Variants in PDZRN4 observed in about 807,000 individuals in gnomAD.
The protein encoded by PDZRN4 is PDZ domain containing ring finger 4.
PDZRN4 carries 70 observed loss-of-function variants against 99.0 expected under a neutral mutation model. The observed-to-expected ratio is 0.71, with a 90% CI of 0.58 to 0.86. PDZRN4 has a LOEUF of 0.86. PDZRN4 is among the 40% of genes least tolerant of loss of function. PDZRN4 has a pLI of 0.00. For missense variants in PDZRN4, 1,474 were observed against 1,331.2 expected (o/e 1.11, Z -1.67); for synonymous variants, 551 against 501.6 (o/e 1.10, Z -1.32).
chr12:41,344,895 T>C (rs2121022675), intron 3 of PDZRN4, among the ~76,000 whole-genome samples: 1 of 152,158 alleles, frequency 6.6e-6, no homozygotes, highest in East Asian at 1.9e-4. Flanking sequence ...TACTGAAATG[T>C]AATCAGATGA....
chr12:41,256,171 T>A (rs374856817), intron 3 of PDZRN4, among the ~76,000 whole-genome samples: 8 of 152,320 alleles, frequency 5.3e-5, no homozygotes, highest in Non-Finnish European at 1.0e-4. Context: ...CCTAGTCATA[T>A]AAAAGTGATT....
chr12:41,535,233 T>C (rs1159991899), intron 5 of PDZRN4, among the ~76,000 whole-genome samples: 1 of 152,226 alleles, frequency 6.6e-6, no homozygotes, highest in East Asian at 1.9e-4. Context: ...ATCTCACTCA[T>C]GATGCGTTGT....
In PDZRN4 at chr12:41,248,312, G is replaced by A. The variant is rs202027045; in HGVS notation, c.843+54124G>A. On this transcript the variant is annotated intron_variant, in intron 3 of 9. Transcript: ENST00000402685. ...TGGGTTATCAAGGCTTTCTATAATG[G>A]AATCCAAAATTTTTTGGCTAAGAAA... Among the ~76,000 whole-genome samples the A allele has an allele frequency of 2.0e-5, 3 of 152,114 alleles. No individual in the cohort carries two copies. In the East Asian group the frequency reaches 5.8e-4, roughly 29 times the overall value.
intron 3 of PDZRN4, among the ~76,000 whole-genome samples, chr12:41,310,491 C>T (rs752443152): frequency 6.6e-6 from 1 of 151,896 alleles, no homozygotes; most frequent in Non-Finnish European, 1.5e-5. Context: ...TCCACACTTG[C>T]GAAGAGGATT....
intron 3 of PDZRN4, among the ~76,000 whole-genome samples, chr12:41,213,259 G>T (rs147282189): frequency 1.6e-3 from 247 of 152,148 alleles, no homozygotes; most frequent in African/African-American, 5.6e-3. Context: ...GAGGAATCCA[G>T]ATGGAAGTGG....
At chr12:41,201,299 C>G (rs553468863) in intron 3 of PDZRN4, among the ~76,000 whole-genome samples, 1 of 152,118 alleles carries the variant, frequency 6.6e-6, no homozygotes, top group South Asian at 2.1e-4. Flanking sequence ...TGACAAACTC[C>G]TTTGTATCCT....
chr12:41,380,782 A>C (rs1461737971), intron 3 of PDZRN4, among the ~76,000 whole-genome samples: 2 of 152,242 alleles, frequency 1.3e-5, no homozygotes, highest in East Asian at 3.9e-4. Context: ...TTACAGTATT[A>C]AAGAATTCTA....
At chr12:41,441,772 T>C (rs1175491851) in intron 3 of PDZRN4, among the ~76,000 whole-genome samples, 1 of 152,120 alleles carries the variant, frequency 6.6e-6, no homozygotes, top group Non-Finnish European at 1.5e-5. Context: ...CCCTTTCCCA[T>C]GTTCCTTAGC....
At chr12:41,472,877 T>C (rs1953006687) in intron 3 of PDZRN4, among the ~76,000 whole-genome samples, 1 of 152,252 alleles carries the variant, frequency 6.6e-6, no homozygotes, top group Admixed American at 6.5e-5. Context: ...TCCCTTGCTC[T>C]GGACCTTACT....
intron 3 of PDZRN4, among the ~76,000 whole-genome samples, chr12:41,403,269 G>GT (rs898008095): frequency 3.9e-5 from 6 of 152,012 alleles, no homozygotes; most frequent in African/African-American, 9.7e-5. Context: ...CGTTTGGCTG[G>GT]TTTTTTTGCC....
intron 3 of PDZRN4, among the ~76,000 whole-genome samples, chr12:41,341,405 A>G (rs1951815896): frequency 6.6e-6 from 1 of 151,952 alleles, no homozygotes; most frequent in African/African-American, 2.4e-5. Context: ...AAAAATAAGA[A>G]GTTAAATTGT....
chr12:41,336,952 T>C (rs1951779820), intron 3 of PDZRN4, among the ~76,000 whole-genome samples: 1 of 152,012 alleles, frequency 6.6e-6, no homozygotes, highest in Admixed American at 6.6e-5. Flanking sequence ...CAGGAGCAAT[T>C]TGGGGCAGTT....
intron 3 of PDZRN4, among the ~76,000 whole-genome samples, chr12:41,489,611 T>G (rs1937844696): frequency 1.3e-5 from 2 of 152,006 alleles, no homozygotes; most frequent in Admixed American, 6.6e-5. Flanking sequence ...TAAACAAAAT[T>G]TATTATTTTA....
At chr12:41,542,242 C>T (rs1157946314) in intron 5 of PDZRN4, among the ~76,000 whole-genome samples, 1 of 152,080 alleles carries the variant, frequency 6.6e-6, no homozygotes. Flanking sequence ...CAATCAAGAC[C>T]GCGGGGCCAG....
chr12:41,571,778 C>T (rs766132005), intron 9 of PDZRN4, among the ~76,000 whole-genome samples: 1 of 152,140 alleles, frequency 6.6e-6, no homozygotes, highest in African/African-American at 2.4e-5. Flanking sequence ...AACCTGAATC[C>T]TTTTGGAATT....
intron 3 of PDZRN4, among the ~76,000 whole-genome samples, chr12:41,380,591 T>C (rs934721744): frequency 6.7e-4 from 102 of 152,220 alleles, no homozygotes; most frequent in African/African-American, 2.3e-3. Context: ...AACTTAACTT[T>C]GATCATGTAG....
intron 3 of PDZRN4, among the ~76,000 whole-genome samples, chr12:41,214,557 A>G (rs1327726985): frequency 1.3e-5 from 2 of 151,836 alleles, no homozygotes; most frequent in African/African-American, 4.8e-5. Context: ...GTAAAAGATG[A>G]AAGAAAGGGT....
At chr12:41,319,499 A>G (rs1416389407) in intron 3 of PDZRN4, among the ~76,000 whole-genome samples, 3 of 151,990 alleles carry the variant, frequency 2.0e-5, no homozygotes. Flanking sequence ...TGCTTGCTTC[A>G]AAGACCCTTA....
At chr12:41,382,964 GT>G (rs929075296) in intron 3 of PDZRN4, among the ~76,000 whole-genome samples, 4 of 152,040 alleles carry the variant, frequency 2.6e-5, no homozygotes, top group Non-Finnish European at 2.9e-5. Context: ...CTTTTCATAT[GT>G]TTTTTTCTCT....
Sources: allele counts gnomAD v4.1 joint callset (sites outside exome capture counted in the v4.1 genomes callset), GRCh38; gene constraint gnomAD v4.1.1; transcripts MANE v1.5; gene names NCBI Gene and HGNC (gene_info 2026-07-23, HGNC 2026-07-21).